OSBPL5: variants seen among roughly 807,000 people sequenced by gnomAD.
OSBPL5 encodes oxysterol binding protein like 5.
Under a neutral mutation model 111.2 loss-of-function variants are expected in OSBPL5, and 71 were observed. The observed-to-expected ratio is 0.64, with a 90% CI of 0.53 to 0.78. The LOEUF (loss-of-function observed/expected upper bound fraction) is 0.78. OSBPL5 is among the 30% of genes least tolerant of loss of function. OSBPL5 has a pLI of 0.00. For synonymous variants in OSBPL5, 549 were observed against 513.9 expected, an observed-to-expected ratio of 1.07 and a Z score of -0.93; for missense variants, 1,210 against 1,189.3, an observed-to-expected ratio of 1.02 and a Z score of -0.26.
chr11:3,090,036 G>A, intron 20 of OSBPL5, 88 bp from the exon 21 acceptor site: 2 of 1,041,968 alleles, frequency 1.9e-6, no homozygotes, highest in South Asian at 3.3e-5. Flanking sequence ...TGGGTCACAG[G>A]GTCATATCCA....
chr11:3,159,922 G>C (rs1474269515), intron 1 of OSBPL5, among the ~76,000 whole-genome samples: 6 of 152,172 alleles, frequency 3.9e-5, no homozygotes, highest in Non-Finnish European at 8.8e-5. Context: ...AAACTCTGCT[G>C]ACCCTGGCAC....
chr11:3,137,897 C>T (rs1845994262), intron 1 of OSBPL5, among the ~76,000 whole-genome samples: 1 of 152,252 alleles, frequency 6.6e-6, no homozygotes, highest in South Asian at 2.1e-4. Context: ...CAAAGGAGCA[C>T]AGCTGAAGCC....
In OSBPL5 at chr11:3,103,784, G is replaced by GCCCCA. The variant is rs201532517; in HGVS notation, c.1244+408_1244+409insTGGGG. Among the ~76,000 whole-genome samples the GCCCCA allele has an allele frequency of 4.6e-5, 3 of 65,704 alleles. 1 individual carries two copies. Among genetic ancestry groups the GCCCCA allele is most frequent in the South Asian group, 6.8e-4 (1 of 1,460 alleles). 43.1% of individuals were successfully genotyped at this position (65,704 alleles called of 152,430 possible). A position where few individuals can be genotyped will look rare whatever the true frequency, so the allele number is the denominator to read the frequency against. On this transcript the variant is annotated intron_variant, in intron 10 of 21. Coordinates refer to ENST00000263650, the MANE Select transcript of OSBPL5 (RefSeq NM_020896.4). ...CTGCAGCCCCCTTCCAGCCTCTGCA[G>GCCCCA]TCCCTTCCTGCCTCTGCAGCCCTCT...
chr11:3,122,257 C>T (rs1858445861), intron 4 of OSBPL5, 91 bp downstream of exon 4: 26 of 1,449,306 alleles, frequency 1.8e-5, no homozygotes, highest in South Asian at 6.3e-5. Context: ...TTGTCCCCTC[C>T]TTTTGACAGG....
At position 3,088,055 on chromosome 11, in the gene OSBPL5, C is replaced by CA; in HGVS notation, c.*149_*150insT. On this transcript the variant is annotated 3_prime_UTR_variant, in exon 22 of 22. Coordinates refer to ENST00000263650, the MANE Select transcript of OSBPL5 (RefSeq NM_020896.4). ...GCCCAGCACACCTGGGCCCGCAGCGCCTTGTGGCCCCGGGTCCCTCCTGCG... is the reference window on the plus strand; with the variant it reads ...GCCCAGCACACCTGGGCCCGCAGCGCACTTGTGGCCCCGGGTCCCTCCTGCG... 1 of 598,508 alleles carries CA rather than the reference C, an allele frequency of 1.7e-6. No individual in the cohort carries two copies. 37.1% of individuals were successfully genotyped at this position (598,508 alleles called of 1,614,324 possible).
chr11:3,155,467 A>G (rs1846725953), intron 1 of OSBPL5, among the ~76,000 whole-genome samples: 1 of 138,890 alleles, frequency 7.2e-6, no homozygotes. Context: ...TAGCTCTGCC[A>G]CTCACTCCCC....
rs1464604576 is a variant in OSBPL5 at position 3,141,703 on chromosome 11, G to A, written c.-21-12534C>T. On this transcript the variant is annotated intron_variant, in intron 1 of 21. Coordinates refer to ENST00000263650, the MANE Select transcript of OSBPL5 (RefSeq NM_020896.4). The surrounding 1 kb of genome is among the most constrained non-coding windows in gnomAD (Gnocchi z 6.5). ...CGATTCTCATGCATCCCAGTGCTTT[G>A]CCGAGGTGCCTACGCCACCCTTGCA... Among the ~76,000 whole-genome samples the A allele has an allele frequency of 6.6e-6, 1 of 152,138 alleles. No individual in the cohort carries two copies. The highest frequency in any genetic ancestry group is 1.9e-4 in the East Asian group (1 of 5,180).
At position 3,121,974 on chromosome 11, in the gene OSBPL5, G is replaced by A; in HGVS notation, c.402+23C>T. The A allele has an allele frequency of 1.3e-6, 2 of 1,541,080 alleles. No homozygotes were observed. The highest frequency in any genetic ancestry group is 1.4e-5 in the African/African-American group (1 of 73,544). On this transcript the variant is annotated intron_variant, in intron 5 of 21. Coordinates refer to ENST00000263650, the MANE Select transcript of OSBPL5 (RefSeq NM_020896.4). The surrounding 1 kb of genome is among the most constrained non-coding windows in gnomAD (Gnocchi z 4.3). ...AGCACGCTGACCCGTGTCCTGGGTGGCCGGAGGCCGGGCATCACCTACCTT... is the reference window on the plus strand; with the variant it reads ...AGCACGCTGACCCGTGTCCTGGGTGACCGGAGGCCGGGCATCACCTACCTT...
rs184016045 is a variant in OSBPL5, at chr11:3,107,652, T to A, written c.866+119A>T. The A allele has an allele frequency of 7.0e-7, 1 of 1,432,058 alleles. No homozygotes were observed. Among genetic ancestry groups the A allele is most frequent in the East Asian group, 2.3e-5 (1 of 43,316 alleles). 88.7% of individuals were successfully genotyped at this position (1,432,058 alleles called of 1,614,324 possible). A position where few individuals can be genotyped will look rare whatever the true frequency, so the allele number is the denominator to read the frequency against. ...CCCAGGGCACACTGCAGCGAACAAG[T>A]CCCTGCGTGCAGCCTGCAGCCCACC... is the stretch of plus-strand genomic sequence containing the variant. On this transcript the variant is annotated intron_variant, in intron 8 of 21. Coordinates refer to ENST00000263650, the MANE Select transcript of OSBPL5 (RefSeq NM_020896.4). This position sits in a 1 kb window ranked among gnomAD's most constrained non-coding sequence, Gnocchi z 6.1.
At chr11:3,103,881 T>TAGCCCCATTCCTGCCTCTGC (rs796220582) in intron 10 of OSBPL5, among the ~76,000 whole-genome samples, 2 of 49,826 alleles carry the variant, frequency 4.0e-5, no homozygotes, top group Admixed American at 2.6e-4. Context: ...CCTGCCTCTG[T>TAGCCCCATTCCTGCCTCTGC]AGCCCCATTC....
rs1846826856 is a variant in OSBPL5 at position 3,157,798 on chromosome 11, G to C, written c.-22+7418C>G. On this transcript the variant is annotated intron_variant, in intron 1 of 21. Transcript: ENST00000263650. ...CAGCCGGAAGGTTCTTCTGGCCGTT[G>C]GTGGGCACCTGCCAGCAGGGAGGGT... Among the ~76,000 whole-genome samples, 3 of 152,354 alleles carry C rather than the reference G, an allele frequency of 2.0e-5. 1 individual carries two copies. In the South Asian group the frequency reaches 6.2e-4, roughly 32 times the overall value.
At chr11:3,108,061 A>C in intron 7 of OSBPL5, 116 bp from the exon 8 acceptor site, 5 of 1,328,986 alleles carry the variant, frequency 3.8e-6, no homozygotes, top group Admixed American at 2.4e-5. Context: ...CACCCCCTCC[A>C]TCCCAGACCC....
At chr11:3,145,837 C>T (rs1382436097) in intron 1 of OSBPL5, among the ~76,000 whole-genome samples, 1 of 152,190 alleles carries the variant, frequency 6.6e-6, no homozygotes, top group African/African-American at 2.4e-5. Context: ...CACCTGGTAG[C>T]CCAGCCTGCG....
chr11:3,126,563 A>G lies in OSBPL5; in HGVS notation c.137-8T>C. The G allele has an allele frequency of 1.2e-6, 2 of 1,606,116 alleles. No homozygotes were observed. The highest frequency in any genetic ancestry group is 1.7e-6 in the Non-Finnish European group (2 of 1,177,620). On this transcript the variant is annotated splice_region_variant and splice_polypyrimidine_tract_variant and intron_variant, in intron 2 of 21. Coordinates refer to ENST00000263650, the MANE Select transcript of OSBPL5 (RefSeq NM_020896.4). The surrounding 1 kb of genome is among the most constrained non-coding windows in gnomAD (Gnocchi z 6.5). ...TGGGCTCCATGTCCTTCCCTGCAAG[A>G]GAGCAGTGGGAGTGAGGACCCAGGC...
Position 3,088,043 on chromosome 11 carries a change from G to C in OSBPL5, c.*162C>G. ...CCCCTGAGAGGGGCCCAGCACACCTGGGCCCGCAGCGCCTTGTGGCCCCGG... is the reference window on the plus strand; with the variant it reads ...CCCCTGAGAGGGGCCCAGCACACCTCGGCCCGCAGCGCCTTGTGGCCCCGG... On this transcript the variant is annotated 3_prime_UTR_variant, in exon 22 of 22. Transcript: ENST00000263650. 1 of 565,916 alleles carries C rather than the reference G, an allele frequency of 1.8e-6. No individual in the cohort carries two copies. Among genetic ancestry groups the C allele is most frequent in the Non-Finnish European group, 2.8e-6 (1 of 361,066 alleles). The allele number at this position is 565,916 out of a possible 1,614,324, so 35.1% of individuals were successfully genotyped here.
chr11:3,160,293 C>T lies in OSBPL5; in HGVS notation c.-22+4923G>A, dbSNP rs527697468. Among the ~76,000 whole-genome samples, 363 of 152,328 alleles carry T rather than the reference C, an allele frequency of 2.4e-3. 3 individuals carry two copies. Among genetic ancestry groups the T allele is most frequent in the Non-Finnish European group, 4.3e-3 (294 of 68,032 alleles). ...CCCTCCCGCCCAGGACCAGGAGCTG[C>T]CCCAAAGCAGCACAGTCCAGCAAGC... is the stretch of plus-strand genomic sequence containing the variant. On this transcript the variant is annotated intron_variant, in intron 1 of 21. Coordinates refer to ENST00000263650, the MANE Select transcript of OSBPL5 (RefSeq NM_020896.4).
chr11:3,097,802 C>T (rs1026036248), intron 14 of OSBPL5, among the ~76,000 whole-genome samples: 1 of 152,226 alleles, frequency 6.6e-6, no homozygotes, highest in African/African-American at 2.4e-5. Context: ...CGCACTGGCT[C>T]ACACCTGTAA....
intron 3 of OSBPL5, 30 bp from the exon 4 acceptor site, chr11:3,122,458 G>C (rs777802533): frequency 2.5e-6 from 4 of 1,605,554 alleles, no homozygotes; most frequent in African/African-American, 1.3e-5. Flanking sequence ...ATGCGGGACA[G>C]GGCACAGGGG....
intron 14 of OSBPL5, among the ~76,000 whole-genome samples, chr11:3,095,328 A>G (rs967647552): frequency 6.7e-6 from 1 of 150,124 alleles, no homozygotes; most frequent in African/African-American, 2.5e-5. Flanking sequence ...AAAAAAAAAA[A>G]GAAAAGAAAA....
Sources: gnomAD v4.1 joint callset for allele counts (sites outside exome capture counted in the v4.1 genomes callset) on GRCh38, gnomAD v4.1.1 for gene constraint, Gnocchi (gnomAD v3.1) non-coding constraint, MANE v1.5 for transcripts, NCBI Gene and HGNC (gene_info 2026-07-23, HGNC 2026-07-21) for gene names.